The following TMEM163 variants were observed in gnomAD, a reference collection of about 807,000 sequenced individuals.
TMEM163 encodes the protein transmembrane protein 163.
In TMEM163, 17 loss-of-function variants were observed where a neutral mutation model predicts 29.3. The ratio of observed to expected loss-of-function variants is 0.58; its 90% CI spans 0.40 to 0.87. The LOEUF is 0.87. TMEM163 is among the 40% of genes least tolerant of loss of function. The pLI, the probability that TMEM163 is intolerant of heterozygous loss-of-function variation, is 0.00. For missense variants in TMEM163, 303 were observed against 381.5 expected (o/e 0.79, Z 1.71); for synonymous variants, 157 against 160.6 (o/e 0.98, Z 0.17).
intron 4 of TMEM163, among the ~76,000 whole-genome samples, chr2:134,516,734 T>C (rs1259828594): frequency 1.4e-5 from 2 of 142,238 alleles, no homozygotes; most frequent in Non-Finnish European, 3.0e-5. Flanking sequence ...TATATATGCA[T>C]ATATATGCAT....
intron 2 of TMEM163, among the ~76,000 whole-genome samples, chr2:134,597,825 T>C (rs1324411206): frequency 6.6e-6 from 1 of 152,252 alleles, no homozygotes; most frequent in Non-Finnish European, 1.5e-5. Flanking sequence ...ATTCAACTTC[T>C]TCCTGGTTTA....
chr2:134,570,477 T>TATACATATACATATACAC (rs1271118907), intron 2 of TMEM163, among the ~76,000 whole-genome samples: 49 of 60,680 alleles, frequency 8.1e-4, no homozygotes, highest in African/African-American at 5.5e-3. Flanking sequence ...TATATATACA[T>TATACATATACATATACAC]ATACATATAC....
intron 4 of TMEM163, among the ~76,000 whole-genome samples, chr2:134,532,222 C>T (rs1203767352): frequency 1.3e-5 from 2 of 152,166 alleles, no homozygotes; most frequent in African/African-American, 2.4e-5. Flanking sequence ...TACCAATCTG[C>T]GCCTAAATGC....
chr2:134,696,377 A>G (rs1684582368), intron 2 of TMEM163, among the ~76,000 whole-genome samples: 2 of 152,180 alleles, frequency 1.3e-5, no homozygotes, highest in African/African-American at 4.8e-5. Flanking sequence ...AATTATCTTG[A>G]CTATTCTTAG....
chr2:134,656,097 C>A (rs2104853215), intron 2 of TMEM163, among the ~76,000 whole-genome samples: 1 of 143,874 alleles, frequency 7.0e-6, no homozygotes, highest in East Asian at 2.0e-4. Context: ...TTCCTGGCTG[C>A]TTTGTTTACC....
intron 2 of TMEM163, among the ~76,000 whole-genome samples, chr2:134,700,941 A>ATAAATAAATAAATACATAAATAC (rs1553495683): frequency 1.4e-5 from 2 of 146,368 alleles, no homozygotes; most frequent in Non-Finnish European, 3.0e-5. Context: ...TAAATAAATA[A>ATAAATAAATAAATACATAAATAC]ATAAATAAAG....
At chr2:134,644,635 T>A (rs1683294899) in intron 2 of TMEM163, among the ~76,000 whole-genome samples, 1 of 152,036 alleles carries the variant, frequency 6.6e-6, no homozygotes, top group Admixed American at 6.6e-5. Context: ...AGATAATAAA[T>A]CTAAGTGTAA....
intron 2 of TMEM163, among the ~76,000 whole-genome samples, chr2:134,562,864 A>G (rs549012588): frequency 6.6e-6 from 1 of 152,268 alleles, no homozygotes; most frequent in East Asian, 1.9e-4. Flanking sequence ...AAAATGGCCA[A>G]CCCCCAATAA....
chr2:134,645,629 A>G (rs10193171), intron 2 of TMEM163, among the ~76,000 whole-genome samples: 72,186 of 152,144 alleles, frequency 0.47, 18,045 homozygotes, highest in Non-Finnish European at 0.56. Flanking sequence ...ATGGAATGCT[A>G]TGCAAAAATA....
intron 2 of TMEM163, among the ~76,000 whole-genome samples, chr2:134,693,416 G>C (rs992407588): frequency 6.6e-6 from 1 of 151,956 alleles, no homozygotes; most frequent in Non-Finnish European, 1.5e-5. Flanking sequence ...AGACCACCCT[G>C]GCCAACATGG....
chr2:134,551,874 G>C (rs1250218616), intron 3 of TMEM163, among the ~76,000 whole-genome samples, 174 bp downstream of exon 3: 2 of 152,174 alleles, frequency 1.3e-5, no homozygotes, highest in African/African-American at 4.8e-5. Context: ...AGTCCTCATT[G>C]CCGCTTAATT....
intron 2 of TMEM163, among the ~76,000 whole-genome samples, chr2:134,574,676 C>T (rs910120506): frequency 6.6e-6 from 1 of 152,210 alleles, no homozygotes; most frequent in Non-Finnish European, 1.5e-5. Flanking sequence ...ACCAAGAAAA[C>T]GTCCACCTGG....
At chr2:134,502,091 T>C (rs1679707650) in intron 5 of TMEM163, among the ~76,000 whole-genome samples, 1 of 152,154 alleles carries the variant, frequency 6.6e-6, no homozygotes, top group Admixed American at 6.5e-5. Context: ...CCAACAAGGA[T>C]TAATATCTTT....
intron 6 of TMEM163, among the ~76,000 whole-genome samples, chr2:134,464,250 C>T (rs1187881660): frequency 6.6e-6 from 1 of 152,098 alleles, no homozygotes; most frequent in South Asian, 2.1e-4. Context: ...GGGCCACCTT[C>T]CCTGGGGAGA....
chr2:134,686,874 G>A (rs1684362480), intron 2 of TMEM163, among the ~76,000 whole-genome samples: 1 of 152,152 alleles, frequency 6.6e-6, no homozygotes, highest in Non-Finnish European at 1.5e-5. Context: ...CAGCATTTCT[G>A]CCTTGGTTTC....
At chr2:134,541,745 A>AC in intron 4 of TMEM163, among the ~76,000 whole-genome samples, 7 of 151,028 alleles carry the variant, frequency 4.6e-5, no homozygotes, top group African/African-American at 1.7e-4. Context: ...AAAAAAGCTA[A>AC]ATGGATATAC....
At chr2:134,595,488 G>A (rs535900785) in intron 2 of TMEM163, among the ~76,000 whole-genome samples, 10 of 152,278 alleles carry the variant, frequency 6.6e-5, no homozygotes, top group East Asian at 1.9e-4. Flanking sequence ...GTGTATATGT[G>A]CCACATTTTC....
At chr2:134,546,266 A>G (rs1183519374) in intron 4 of TMEM163, among the ~76,000 whole-genome samples, 1 of 152,252 alleles carries the variant, frequency 6.6e-6, no homozygotes, top group Non-Finnish European at 1.5e-5. Context: ...TCATGTTCAT[A>G]GCAGCATTAT....
chr2:134,711,010 G>C (rs1684914725), intron 2 of TMEM163, among the ~76,000 whole-genome samples: 1 of 152,180 alleles, frequency 6.6e-6, no homozygotes, highest in Non-Finnish European at 1.5e-5. Flanking sequence ...TTGAAGAGTA[G>C]GACTGGGAGT....
Sources: gnomAD v4.1 joint callset for allele counts (sites outside exome capture counted in the v4.1 genomes callset) on GRCh38, gnomAD v4.1.1 for gene constraint, MANE v1.5 for transcripts, NCBI Gene and HGNC (gene_info 2026-07-23, HGNC 2026-07-21) for gene names.